The following OSBPL10 variants were observed in gnomAD, a reference collection of about 807,000 sequenced individuals.
OSBPL10 encodes the protein oxysterol-binding protein-related protein 10.
A neutral mutation model predicts 81.7 loss-of-function variants in OSBPL10; 49 were observed. The observed-to-expected ratio is 0.60, with a 90% confidence interval of 0.48 to 0.76. The LOEUF (loss-of-function observed/expected upper bound fraction) is 0.76. OSBPL10 is among the 30% of genes least tolerant of loss of function. The probability of loss-of-function intolerance (pLI) is 0.00; values close to 1 mark genes in which losing one functional copy is unlikely to be tolerated. For synonymous variants in OSBPL10, 419 were observed against 383.6 expected (o/e 1.09, Z -1.08); for missense variants, 923 against 987.8 (o/e 0.93, Z 0.88).
At chr3:32,019,381 T>C (rs1168170163) in intron 2 of OSBPL10, among the ~76,000 whole-genome samples, 1 of 152,188 alleles carries the variant, frequency 6.6e-6, no homozygotes, top group Non-Finnish European at 1.5e-5. Flanking sequence ...TCAAGTGCAA[T>C]CAATAATATA....
intron 4 of OSBPL10, among the ~76,000 whole-genome samples, chr3:31,750,037 C>T (rs1295808998): frequency 6.6e-6 from 1 of 151,706 alleles, no homozygotes; most frequent in African/African-American, 2.4e-5. Context: ...CAAAAATAAG[C>T]CAGGTGTGAT....
At chr3:31,698,514 C>T (rs998247023) in intron 7 of OSBPL10, among the ~76,000 whole-genome samples, 2 of 151,832 alleles carry the variant, frequency 1.3e-5, no homozygotes, top group Non-Finnish European at 2.9e-5. Flanking sequence ...TGCTCAAAAC[C>T]CTCCAATGGC....
intron 1 of OSBPL10, among the ~76,000 whole-genome samples, chr3:31,962,713 G>A (rs1698203690): frequency 6.6e-6 from 1 of 152,194 alleles, no homozygotes; most frequent in Non-Finnish European, 1.5e-5. Context: ...CCATTTGGCT[G>A]TTTTCACAAA....
At chr3:31,783,789 TAAAAAAAAAAAAAAAAAAAAAA>T (rs869137696) in intron 4 of OSBPL10, among the ~76,000 whole-genome samples, 48 of 19,964 alleles carry the variant, frequency 2.4e-3, no homozygotes, top group African/African-American at 6.9e-3. Flanking sequence ...AGACTCCGAT[TAAAAAAAAAAAAAAAAAAAAAA>T]AAAAAAAAAA....
rs147412364 is a variant in OSBPL10 at position 32,030,892 on chromosome 3, G to A, written n.298+15599C>T. On this transcript the variant is annotated intron_variant and non_coding_transcript_variant, in intron 2 of 3. Transcript: ENST00000479173. ...TTGAAAATAATTGAGGAGGCCGGGC[G>A]CGGTGGCTCACACCTGTAATCCCAG... Among the ~76,000 whole-genome samples, 506 of 152,218 alleles carry A rather than the reference G, an allele frequency of 3.3e-3. 1 individual carries two copies. Among genetic ancestry groups the A allele is most frequent in the African/African-American group, 0.01 (427 of 41,558 alleles).
chr3:31,979,038 T>C (rs62244392), intron 1 of OSBPL10, among the ~76,000 whole-genome samples: 10,704 of 152,192 alleles, frequency 0.07, 633 homozygotes, highest in East Asian at 0.32. Context: ...GCTGGCCTCA[T>C]AATCTACTTG....
intron 1 of OSBPL10, among the ~76,000 whole-genome samples, chr3:31,934,605 C>T (rs920157936): frequency 5.3e-5 from 8 of 152,064 alleles, no homozygotes; most frequent in African/African-American, 1.9e-4. Flanking sequence ...TGGGGTTTCA[C>T]CATGTTTCCC....
chr3:31,740,775 A>G (rs1697317327), intron 5 of OSBPL10, among the ~76,000 whole-genome samples: 1 of 148,612 alleles, frequency 6.7e-6, no homozygotes, highest in South Asian at 2.1e-4. Flanking sequence ...GAGACTCCGT[A>G]TCTCAAAAAA....
rs566213120 is a variant in OSBPL10 at position 31,858,935 on chromosome 3, A to G, written c.537+17498T>C. The stretch of plus-strand genomic sequence containing the variant: ...GGCTTAACAACCAAGTTATCCATCA[A>G]CAGAAATGTTGTAGCAGAATTGGGT... On this transcript the variant is annotated intron_variant, in intron 3 of 11. Coordinates refer to ENST00000396556, the MANE Select transcript of OSBPL10 (RefSeq NM_017784.5). 9.2e-5 allele frequency among the ~76,000 whole-genome samples: 14 copies of G among 152,328 alleles called. No homozygotes were observed. The South Asian group carries it at 2.9e-3, about 32-fold the overall frequency.
intron 1 of OSBPL10, among the ~76,000 whole-genome samples, chr3:31,898,282 C>T (rs976453056): frequency 2.0e-5 from 3 of 151,866 alleles, no homozygotes; most frequent in Non-Finnish European, 4.4e-5. Flanking sequence ...TTTCAAATGC[C>T]TCACCACAAA....
chr3:31,754,490 G>C (rs1697827633), intron 4 of OSBPL10, among the ~76,000 whole-genome samples: 1 of 152,098 alleles, frequency 6.6e-6, no homozygotes, highest in Non-Finnish European at 1.5e-5. Context: ...AAAAGACACA[G>C]AAAGAGAAGG....
At chr3:31,803,407 G>A (rs1484247876) in intron 4 of OSBPL10, among the ~76,000 whole-genome samples, 1 of 152,158 alleles carries the variant, frequency 6.6e-6, no homozygotes, top group Non-Finnish European at 1.5e-5. Context: ...TAAGTCCCTG[G>A]CAGAACCAGG....
rs936331266 is a variant in OSBPL10, at chr3:31,981,089, G to A, written c.91C>T (p.Pro31Ser). Residue 31 changes from proline (P) to serine (S), a missense_variant, in exon 1 of 12, where the codon CCC (proline) becomes TCC (serine). Physicochemically the swap from Pro to Ser is moderately conservative, Grantham distance 74. Transcript: ENST00000396556. This position sits in a 1 kb window ranked among gnomAD's most constrained non-coding sequence, Gnocchi z 4.5. Reference protein sequence around the residue: ...SSRATSAGSSPSCSLAGRGVS... With the variant: ...SSRATSAGSSSSCSLAGRGVS... ...CCCCGGCCCGCCAGAGAGCAGGAGG[G>A]CGAGGAGCCCGCCGAGGTAGCACGG... 10 of 1,493,030 alleles carry A rather than the reference G, an allele frequency of 6.7e-6. No homozygotes were observed. The highest frequency in any genetic ancestry group is 8.9e-6 in the Non-Finnish European group (10 of 1,125,934). The allele number at this position is 1,493,030 out of a possible 1,614,324, so 92.5% of individuals were successfully genotyped here.
At chr3:31,777,760 A>G (rs2125762252) in intron 4 of OSBPL10, among the ~76,000 whole-genome samples, 1 of 152,344 alleles carries the variant, frequency 6.6e-6, no homozygotes, top group Admixed American at 6.5e-5. Context: ...CCAAAAATCC[A>G]GATTACAGGA....
chr3:31,936,694 A>AC, intron 1 of OSBPL10, among the ~76,000 whole-genome samples: 1 of 152,002 alleles, frequency 6.6e-6, no homozygotes, highest in Non-Finnish European at 1.5e-5. Flanking sequence ...TTTCCTGAAG[A>AC]AAAAAAAATT....
chr3:31,989,436 CAAAAG>C, intron 2 of OSBPL10: 1 of 1,614,092 alleles, frequency 6.2e-7, no homozygotes, highest in Non-Finnish European at 8.5e-7. Flanking sequence ...GGCAAGAAGA[CAAAAG>C]AAATAGCCAT....
In OSBPL10 at chr3:31,781,544, C is replaced by T. The variant is rs540709209; in HGVS notation, c.730-33424G>A. ...AATTATCACTGTTTGCTGATGTATA[C>T]CTAGGAAACACTAAAGACTCATCCA... On this transcript the variant is annotated intron_variant, in intron 4 of 11. Transcript: ENST00000396556. Among the ~76,000 whole-genome samples the T allele has an allele frequency of 3.9e-5, 6 of 151,944 alleles. No homozygotes were observed. The South Asian group carries it at 1.2e-3, about 32-fold the overall frequency.
intron 1 of OSBPL10, among the ~76,000 whole-genome samples, chr3:32,075,436 C>T (rs1699865519): frequency 6.6e-6 from 1 of 152,198 alleles, no homozygotes; most frequent in South Asian, 2.1e-4. Flanking sequence ...GTACTCCCAA[C>T]TCTTAGTCCT....
chr3:32,041,534 G>A (rs1343724633), intron 2 of OSBPL10, among the ~76,000 whole-genome samples: 2 of 152,204 alleles, frequency 1.3e-5, no homozygotes, highest in African/African-American at 2.4e-5. Flanking sequence ...CTCCTATCAA[G>A]AGGCTGAAGT....
Sources: allele counts gnomAD v4.1 joint callset (sites outside exome capture counted in the v4.1 genomes callset), GRCh38; gene constraint gnomAD v4.1.1; non-coding constraint Gnocchi (gnomAD v3.1); transcripts MANE v1.5; gene names NCBI Gene and HGNC (gene_info 2026-07-23, HGNC 2026-07-21).